The following MYO9A variants were observed in gnomAD, a reference collection of about 807,000 sequenced individuals.
The protein encoded by MYO9A is unconventional myosin-IXa.
MYO9A carries 103 observed loss-of-function variants against 293.3 expected under a neutral mutation model. That is an observed-to-expected ratio of 0.35 (90% CI 0.30 to 0.41). The LOEUF (loss-of-function observed/expected upper bound fraction) is 0.41. MYO9A is among the 10% of genes least tolerant of loss of function. The probability of loss-of-function intolerance (pLI) is 1.00; values close to 1 mark genes in which losing one functional copy is unlikely to be tolerated. For missense variants in MYO9A, 2,685 were observed against 3,033.0 expected (o/e 0.89, Z 2.69); for synonymous variants, 1,001 against 1,035.7 (o/e 0.97, Z 0.64).
intron 40 of MYO9A, 120 bp downstream of exon 40, chr15:71,829,989 A>C: frequency 9.7e-7 from 1 of 1,029,728 alleles, no homozygotes. Flanking sequence ...CATCTCCTGT[A>C]TCATCTGACA....
chr15:71,945,195 G>C (rs941491693), intron 15 of MYO9A, among the ~76,000 whole-genome samples: 14 of 152,242 alleles, frequency 9.2e-5, no homozygotes, highest in African/African-American at 3.4e-4. Flanking sequence ...TTGTATTCAA[G>C]CTATCAGCCA....
At chr15:71,874,362 A>AG (rs1316078141) in intron 32 of MYO9A, among the ~76,000 whole-genome samples, 1 of 152,300 alleles carries the variant, frequency 6.6e-6, no homozygotes, top group African/African-American at 2.4e-5. Context: ...AAGAAAGTAA[A>AG]GACGATAGGA....
chr15:72,008,489 G>C (rs553182732), intron 7 of MYO9A, among the ~76,000 whole-genome samples: 65 of 139,988 alleles, frequency 4.6e-4, no homozygotes, highest in African/African-American at 1.7e-3. Flanking sequence ...GGGGTAAATG[G>C]GTGTGTGTGT....
chr15:71,960,223 T>G, intron 13 of MYO9A, 127 bp from the exon 14 acceptor site: 2 of 781,102 alleles, frequency 2.6e-6, no homozygotes, highest in Non-Finnish European at 4.1e-6. Flanking sequence ...TCCCCCATGG[T>G]GGAGATGGGG....
At chr15:72,115,120 C>A (rs953546296) in intron 1 of MYO9A, among the ~76,000 whole-genome samples, 6 of 152,212 alleles carry the variant, frequency 3.9e-5, no homozygotes, top group African/African-American at 1.4e-4. Context: ...GTGAATCTCA[C>A]TGTTAATGCT....
rs2054341892 is a variant in MYO9A at position 71,823,241 on chromosome 15, A to C, written c.*3339T>G. ...CAAAGTGCTTGTTACAGTGAAAAAC[A>C]CAGCCCACAGGCACTGAGGTGGGAC... is the stretch of plus-strand genomic sequence containing the variant. On this transcript the variant is annotated 3_prime_UTR_variant, in exon 42 of 42. Coordinates refer to ENST00000356056, the MANE Select transcript of MYO9A (RefSeq NM_006901.4). The C allele has an allele frequency of 1.3e-5, 2 of 152,260 alleles. No individual in the cohort carries two copies. The highest frequency in any genetic ancestry group is 1.3e-4 in the Admixed American group (2 of 15,284). The allele number at this position is 152,260 out of a possible 1,614,324, so 9.4% of individuals were successfully genotyped here.
In MYO9A at chr15:72,062,979, G is replaced by A. The variant is rs1173243307; in HGVS notation, c.-71-16345C>T. Reference sequence around the variant, plus strand: ...CAAGGCTGCAATGAGCCGTGATCGTGCCACTGCACTCCAGCCTGGATGACA... The same window carrying A: ...CAAGGCTGCAATGAGCCGTGATCGTACCACTGCACTCCAGCCTGGATGACA... On this transcript the variant is annotated intron_variant, in intron 1 of 41. Coordinates refer to ENST00000356056, the MANE Select transcript of MYO9A (RefSeq NM_006901.4). Among the ~76,000 whole-genome samples the A allele has an allele frequency of 5.3e-5, 8 of 152,214 alleles. No homozygotes were observed. The East Asian group carries it at 1.5e-3, about 29-fold the overall frequency.
At chr15:71,886,425 G>C (rs1026348317) in intron 27 of MYO9A, among the ~76,000 whole-genome samples, 1 of 151,976 alleles carries the variant, frequency 6.6e-6, no homozygotes, top group African/African-American at 2.4e-5. Context: ...AAATGAAGAA[G>C]GCTGGCAAAT....
intron 1 of MYO9A, among the ~76,000 whole-genome samples, chr15:72,082,012 G>T (rs78026420): frequency 0.044 from 6,719 of 152,058 alleles, 262 homozygotes; most frequent in East Asian, 0.18. Flanking sequence ...TTGACTATTT[G>T]GGCTCTTTTT....
chr15:72,042,536 A>G (rs2078257842), intron 2 of MYO9A, among the ~76,000 whole-genome samples: 1 of 152,098 alleles, frequency 6.6e-6, no homozygotes, highest in Non-Finnish European at 1.5e-5. Flanking sequence ...TTTACAAAAA[A>G]CCAACAGCTA....
At chr15:72,024,431 TCAC>T (rs1410182897) in intron 4 of MYO9A, among the ~76,000 whole-genome samples, 5 of 152,034 alleles carry the variant, frequency 3.3e-5, no homozygotes, top group Non-Finnish European at 5.9e-5. Context: ...CAGGCGTGCA[TCAC>T]CACACCTGGC....
chr15:71,875,832 T>C lies in MYO9A; in HGVS notation c.5938A>G (p.Lys1980Glu). The C allele has an allele frequency of 7.2e-7, 1 of 1,381,080 alleles. No individual in the cohort carries two copies. The highest frequency in any genetic ancestry group is 9.4e-7 in the Non-Finnish European group (1 of 1,061,570). 85.6% of individuals were successfully genotyped at this position (1,381,080 alleles called of 1,614,324 possible). A position where few individuals can be genotyped will look rare whatever the true frequency, so the allele number is the denominator to read the frequency against. Residue 1980 changes from lysine (K) to glutamate (E), a missense_variant, in exon 32 of 42, where the codon AAA becomes GAA. This residue lies in a region of MYO9A where 1,434 missense variants were observed against 1,497.7 expected (regional missense o/e 0.96). Coordinates refer to ENST00000356056, the MANE Select transcript of MYO9A (RefSeq NM_006901.4). ...TSDCTATKVP[K>E]TERKKRRKKE... is the part of the protein sequence containing the mutation. The stretch of plus-strand genomic sequence containing the variant: ...TTCCTTCTTTTCTTTCTTTCTGTTT[T>C]TGGCACCTGACAGGGGGACAGGAGA...
At chr15:72,034,005 TA>T (rs1371230613) in intron 2 of MYO9A, among the ~76,000 whole-genome samples, 1 of 152,166 alleles carries the variant, frequency 6.6e-6, no homozygotes, top group Non-Finnish European at 1.5e-5. Context: ...AACACCTCCC[TA>T]AATGCAAAGC....
chr15:71,997,432 C>G (rs931656950), intron 9 of MYO9A, among the ~76,000 whole-genome samples: 5 of 152,024 alleles, frequency 3.3e-5, no homozygotes, highest in Admixed American at 2.6e-4. Context: ...AACCCCATCT[C>G]TACTAAAAAT....
intron 3 of MYO9A, among the ~76,000 whole-genome samples, chr15:72,030,036 C>T (rs1349233326): frequency 6.6e-6 from 1 of 152,156 alleles, no homozygotes; most frequent in Non-Finnish European, 1.5e-5. Flanking sequence ...CTAGTCTATT[C>T]CCAGTCTCTG....
intron 1 of MYO9A, among the ~76,000 whole-genome samples, chr15:72,062,587 A>C (rs1198302527): frequency 3.3e-5 from 5 of 152,230 alleles, no homozygotes; most frequent in Admixed American, 3.3e-4. Flanking sequence ...TCTCAACAGC[A>C]GAATTGGTCA....
intron 3 of MYO9A, among the ~76,000 whole-genome samples, chr15:72,028,958 T>A (rs1333765814): frequency 6.6e-6 from 1 of 152,188 alleles, no homozygotes. Flanking sequence ...AAGGAGATAA[T>A]CTAGCAGCTA....
intron 11 of MYO9A, among the ~76,000 whole-genome samples, chr15:71,990,302 C>T (rs2076507718): frequency 6.6e-6 from 1 of 151,856 alleles, no homozygotes; most frequent in Admixed American, 6.5e-5. Flanking sequence ...CCAGGCTGGT[C>T]TCTAACTCCT....
intron 3 of MYO9A, among the ~76,000 whole-genome samples, chr15:72,032,024 A>G (rs1313045430): frequency 6.6e-6 from 1 of 152,058 alleles, no homozygotes. Flanking sequence ...CTCCTGTCTC[A>G]GTTTCCTAAG....
Sources: gnomAD v4.1 joint callset for allele counts (sites outside exome capture counted in the v4.1 genomes callset) on GRCh38, gnomAD v4.1.1 for gene constraint, gnomAD v4.1.1 regional missense constraint, MANE v1.5 for transcripts, NCBI Gene and HGNC (gene_info 2026-07-23, HGNC 2026-07-21) for gene names.